The following ZNF516 variants were observed in gnomAD, a reference collection of about 807,000 sequenced individuals.
ZNF516 encodes zinc finger protein 516.
In ZNF516, 19 loss-of-function variants were observed where a neutral mutation model predicts 79.7. The observed-to-expected ratio is 0.24, with a 90% CI of 0.17 to 0.35. The LOEUF (loss-of-function observed/expected upper bound fraction) is 0.35, where lower values mean the gene tolerates loss of function less well. ZNF516 is among the 10% of genes least tolerant of loss of function. The probability of loss-of-function intolerance (pLI) is 1.00; values close to 1 mark genes in which losing one functional copy is unlikely to be tolerated. For missense variants in ZNF516, 1,678 were observed against 1,679.5 expected, an observed-to-expected ratio of 1.00 and a Z score of 0.02; for synonymous variants, 877 against 739.5, an observed-to-expected ratio of 1.19 and a Z score of -3.02.
In ZNF516 at chr18:76,379,148, T is replaced by C; in HGVS notation, c.2966A>G (p.Lys989Arg). The C allele has an allele frequency of 6.2e-7, 1 of 1,612,818 alleles. No homozygotes were observed. Reference sequence around the variant, plus strand: ...TAGAGGAGGAGCGCCCCCTTCGCCCTTTGCAGGAGGTGGACCCTGAGGCTG... The same window carrying C: ...TAGAGGAGGAGCGCCCCCTTCGCCCCTTGCAGGAGGTGGACCCTGAGGCTG... ...SAQPQGPPPA[K>R]GEGGAPPLPP... The change falls in exon 4 of 7, where the codon AAG becomes AGG. Residue 989 changes from lysine to arginine, a missense_variant. Coordinates refer to ENST00000443185, the MANE Select transcript of ZNF516 (RefSeq NM_014643.4).
chr18:76,454,308 C>T lies in ZNF516; in HGVS notation c.-158+8720G>A, dbSNP rs576869220. Among the ~76,000 whole-genome samples the T allele has an allele frequency of 2.5e-4, 38 of 152,268 alleles. No homozygotes were observed. In the Middle Eastern group the frequency reaches 0.01, roughly 41 times the overall value. On this transcript the variant is annotated intron_variant, in intron 2 of 6. Transcript: ENST00000443185. ...TTTTGTTAAAAGAAAAAAACAGATA[C>T]GCTGAAACTAAGAAGATTTTGATAG...
At chr18:76,489,612 G>C (rs1325746782) in intron 1 of ZNF516, among the ~76,000 whole-genome samples, 1 of 144,296 alleles carries the variant, frequency 6.9e-6, no homozygotes, top group Non-Finnish European at 1.5e-5. Flanking sequence ...AAAAAAGTTA[G>C]AAATGTAGGA....
chr18:76,473,754 T>TA (rs1914003271), intron 1 of ZNF516, among the ~76,000 whole-genome samples: 1 of 151,496 alleles, frequency 6.6e-6, no homozygotes, highest in Non-Finnish European at 1.5e-5. Flanking sequence ...TGAGCTGAGA[T>TA]TGCACCACTG....
Position 76,360,646 on chromosome 18 carries a change from A to AAAAAAAAT in ZNF516, c.*1851_*1852insATTTTTTT, listed in dbSNP as rs373540251. On this transcript the variant is annotated 3_prime_UTR_variant, in exon 7 of 7. Transcript: ENST00000443185. The stretch of plus-strand genomic sequence containing the variant: ...AAAAAAATAAGTAAAAAAAAAAAAA[A>AAAAAAAAT]ATATATATATATATATATATATATA... The AAAAAAAAT allele has an allele frequency of 9.2e-4, 67 of 72,458 alleles. 1 individual carries two copies. Among genetic ancestry groups the AAAAAAAAT allele is most frequent in the South Asian group, 1.5e-3 (3 of 1,988 alleles). The allele number at this position is 72,458 out of a possible 1,614,324, so 4.5% of individuals were successfully genotyped here. A position where few individuals can be genotyped will look rare whatever the true frequency, so the allele number is the denominator to read the frequency against.
chr18:76,472,358 GCA>G (rs1322829252), intron 1 of ZNF516, among the ~76,000 whole-genome samples: 4 of 150,226 alleles, frequency 2.7e-5, no homozygotes, highest in African/African-American at 7.5e-5. Context: ...ACAGACACTT[GCA>G]CATGTGTGTG....
At chr18:76,381,229 T>C (rs769554469) in intron 3 of ZNF516, among the ~76,000 whole-genome samples, 7 of 152,176 alleles carry the variant, frequency 4.6e-5, no homozygotes, top group Non-Finnish European at 1.0e-4. Flanking sequence ...GAGACTGTAC[T>C]GCAAGTGGAC....
At chr18:76,494,901 G>A (rs934660494) in intron 1 of ZNF516, among the ~76,000 whole-genome samples, 6 of 78,906 alleles carry the variant, frequency 7.6e-5, no homozygotes, top group Non-Finnish European at 1.4e-4. Context: ...TCGCCCCGCC[G>A]CCCGAAGTTG....
At chr18:76,488,291 A>G (rs983468326) in intron 1 of ZNF516, 65 of 974,412 alleles carry the variant, frequency 6.7e-5, no homozygotes, top group Non-Finnish European at 7.8e-5. Context: ...TTTAGCCATT[A>G]ACAATGCTGG....
At chr18:76,495,820 G>A (rs1915461193), upstream of ZNF516, 1 of 981,884 alleles carries the variant, frequency 1.0e-6, no homozygotes, top group Non-Finnish European at 1.3e-6. Context: ...TAGCGTGTGC[G>A]TGTCACTCAA....
rs376788444 is a variant in ZNF516 at position 76,362,486 on chromosome 18, G to C, written c.*12C>G. The C allele has an allele frequency of 6.2e-7, 1 of 1,612,486 alleles. No homozygotes were observed. ...CCGTTACGGGGACCTGGGGTGCGTC[G>C]GAAACACGCCTTTAGGTTCCCTTTC... On this transcript the variant is annotated 3_prime_UTR_variant, in exon 7 of 7. Coordinates refer to ENST00000443185, the MANE Select transcript of ZNF516 (RefSeq NM_014643.4).
At position 76,441,637 on chromosome 18, in the gene ZNF516, G is replaced by C. The variant is rs971179022; in HGVS notation, c.1418C>G (p.Ala473Gly). The change falls in exon 3 of 7, where the codon GCG becomes GGG. Residue 473 changes from alanine to glycine, a missense_variant. Ala to Gly is a moderately conservative substitution (Grantham distance 60, BLOSUM62 0). Transcript: ENST00000443185. The part of the protein sequence containing the change: ...KRKREQDAPA[A>G]QGPPRKRASG... ...CGCGCGCTTCCGCGGGGGCCCCTGC[G>C]CGGCTGGTGCATCCTGCTCACGCTT... The C allele has an allele frequency of 6.5e-7, 1 of 1,528,308 alleles. No individual in the cohort carries two copies. Among genetic ancestry groups the C allele is most frequent in the African/African-American group, 1.4e-5 (1 of 71,630 alleles). 94.7% of individuals were successfully genotyped at this position (1,528,308 alleles called of 1,614,324 possible).
rs2074868161 is a variant in ZNF516, at chr18:76,380,222, C to T, written c.1892G>A (p.Gly631Glu). 6.2e-7 allele frequency: 1 copy of T among 1,613,884 alleles called. No homozygotes were observed. The highest frequency in any genetic ancestry group is 1.3e-5 in the African/African-American group (1 of 74,918). Residue 631 changes from glycine to glutamate, a missense_variant, in exon 4 of 7, where the codon GGA (glycine) becomes GAA (glutamate). Physicochemically the swap from Gly to Glu is moderately conservative, Grantham distance 98. Around this residue, in one of 5 missense-constraint regions of ZNF516, gnomAD observed 1,294 missense variants for 1,248.3 expected, o/e 1.04. Coordinates refer to ENST00000443185, the MANE Select transcript of ZNF516 (RefSeq NM_014643.4). ...GGTGTCTCTTTCCGAGGCGTTATCT[C>T]CCATCTTGTGACTCTGGTCTCCACT... ...LSSGDQSHKM[G>E]DNASERDTGE... is the part of the protein sequence containing the mutation.
chr18:76,440,940 A>G (rs1238390201), intron 3 of ZNF516, among the ~76,000 whole-genome samples: 1 of 152,186 alleles, frequency 6.6e-6, no homozygotes, highest in Non-Finnish European at 1.5e-5. Context: ...AAACACTGAA[A>G]GGGGCTCCAA....
At chr18:76,480,492 C>CAT (rs1239691256) in intron 1 of ZNF516, among the ~76,000 whole-genome samples, 2 of 112,834 alleles carry the variant, frequency 1.8e-5, no homozygotes, top group Non-Finnish European at 3.8e-5. Flanking sequence ...CACATATACA[C>CAT]ATACACACAC....
At chr18:76,375,303 G>A (rs1216225297) in intron 4 of ZNF516, among the ~76,000 whole-genome samples, 1 of 152,180 alleles carries the variant, frequency 6.6e-6, no homozygotes, top group Non-Finnish European at 1.5e-5. Flanking sequence ...CTGGACACCA[G>A]GTAGAGAGTG....
chr18:76,381,618 C>T (rs2074893725), intron 3 of ZNF516, among the ~76,000 whole-genome samples: 1 of 152,170 alleles, frequency 6.6e-6, no homozygotes, highest in African/African-American at 2.4e-5. Flanking sequence ...GGTGAGACAG[C>T]GCCTGTCACT....
rs192324175 is a variant in ZNF516, at chr18:76,379,488, C to A, written c.2626G>T (p.Ala876Ser). The A allele has an allele frequency of 2.3e-4, 375 of 1,613,712 alleles. No homozygotes were observed. In the African/African-American group the frequency reaches 4.4e-3, roughly 19 times the overall value. The change falls in exon 4 of 7, where the codon GCT becomes TCT. Residue 876 changes from alanine to serine, a missense_variant. By Grantham distance (99) the Ala-to-Ser change is moderately conservative. Transcript: ENST00000443185. The stretch of plus-strand genomic sequence containing the variant: ...CCGTCAGGGCCGGGCGCCCACAGAG[C>A]GCAGGGACCTCCGGAATGGCTCTCC... ...NKESHSGGPC[A>S]LWAPGPDGYR...
chr18:76,447,335 T>C (rs1375963398), intron 2 of ZNF516, among the ~76,000 whole-genome samples: 1 of 152,192 alleles, frequency 6.6e-6, no homozygotes, highest in Non-Finnish European at 1.5e-5. Flanking sequence ...AGGGTTTCGA[T>C]GGGATGCCTC....
intron 2 of ZNF516, among the ~76,000 whole-genome samples, chr18:76,458,668 C>A (rs1912887847): frequency 1.4e-5 from 2 of 146,670 alleles, no homozygotes. Flanking sequence ...GCGTGCCTCA[C>A]CGTCGTGTGT....
Sources: gnomAD v4.1 joint callset for allele counts (sites outside exome capture counted in the v4.1 genomes callset) on GRCh38, gnomAD v4.1.1 for gene constraint, gnomAD v4.1.1 regional missense constraint, MANE v1.5 for transcripts, NCBI Gene and HGNC (gene_info 2026-07-23, HGNC 2026-07-21) for gene names.